The following INTS6L variants were observed in gnomAD, a reference collection of about 807,000 sequenced individuals.
INTS6L encodes integrator complex subunit 6-like.
Under a neutral mutation model 64.7 loss-of-function variants are expected in INTS6L, and 18 were observed. The ratio of observed to expected loss-of-function variants is 0.28; its 90% CI spans 0.19 to 0.41. The LOEUF (loss-of-function observed/expected upper bound fraction) is 0.41. Among genes scored for constraint, INTS6L ranks in the 10% least tolerant of loss-of-function variants. INTS6L has a pLI of 1.00. For synonymous variants in INTS6L, 227 were observed against 235.9 expected (o/e 0.96, Z 0.34); for missense variants, 533 against 661.0 (o/e 0.81, Z 2.12).
chrX:135,545,659 G>C (rs1404591387), intron 3 of INTS6L, 87 bp downstream of exon 3: 2 of 933,760 alleles, frequency 2.1e-6, no homozygotes, highest in African/African-American at 4.0e-5. Flanking sequence ...TAAGTTTTCT[G>C]CTACTTTTCA....
At chrX:135,560,613 C>T (rs782578781) in intron 9 of INTS6L, among the ~76,000 whole-genome samples, 222 of 111,946 alleles carry the variant, frequency 2.0e-3, no homozygotes, top group Non-Finnish European at 3.3e-3. Flanking sequence ...GAAGCCAAGG[C>T]GGGTGGATCA....
chrX:135,527,836 T>C (rs1295705811), intron 2 of INTS6L, among the ~76,000 whole-genome samples: 4 of 110,493 alleles, frequency 3.6e-5, no homozygotes, highest in Admixed American at 1.9e-4. Context: ...ATGGTTGGGA[T>C]TGGGGTGGGG....
rs782154610 is a variant in INTS6L at position 135,546,724 on chromosome X, C to T, written c.452C>T (p.Pro151Leu). 3 of 1,206,151 alleles carry T rather than the reference C, an allele frequency of 2.5e-6. No homozygotes were observed. In the Admixed American group the frequency reaches 6.6e-5, roughly 26 times the overall value. Reference sequence around the variant, plus strand: ...CAGCTCCATCTTCCTTTGAATTCCCCTCTGCCTGGAAGTGAACTAACCAAA... The same window carrying T: ...CAGCTCCATCTTCCTTTGAATTCCCTTCTGCCTGGAAGTGAACTAACCAAA... ...QEELHLPLNS[P>L]LPGSELTKEP... is the part of the protein sequence containing the mutation. Residue 151 changes from proline to leucine, a missense_variant, in exon 5 of 18, where the codon CCT (proline) becomes CTT (leucine). Physicochemically the swap from Pro to Leu is moderately conservative, Grantham distance 98 (BLOSUM62 -3). Transcript: ENST00000639893.
At chrX:135,530,834 G>T (rs1233939729) in intron 2 of INTS6L, among the ~76,000 whole-genome samples, 2 of 112,079 alleles carry the variant, frequency 1.8e-5, no homozygotes, top group African/African-American at 6.5e-5. Context: ...AGTCAGTGGG[G>T]TCTTAACCAG....
At position 135,520,733 on chromosome X, in the gene INTS6L, C is replaced by T. The variant is rs2085512306; in HGVS notation, c.-260C>T. On this transcript the variant is annotated 5_prime_UTR_variant, in exon 1 of 18. Coordinates refer to ENST00000639893, the MANE Select transcript of INTS6L (RefSeq NM_001351601.3). ...GTCCTGGCAGCGGCAGTAGTGGTGG[C>T]AGCAGAAGAGAGGAAGGGGGAGGGC... is the stretch of plus-strand genomic sequence containing the variant. 5.5e-6 allele frequency: 2 copies of T among 364,763 alleles called. No individual in the cohort carries two copies. The highest frequency in any genetic ancestry group is 7.4e-4 in the Middle Eastern group (1 of 1,353). The allele number at this position is 364,763 out of a possible 1,213,427, so 30.1% of individuals were successfully genotyped here.
intron 9 of INTS6L, among the ~76,000 whole-genome samples, chrX:135,557,346 C>T (rs1319535819): frequency 1.8e-5 from 2 of 111,620 alleles, no homozygotes; most frequent in African/African-American, 6.5e-5. Flanking sequence ...GTAATCTTCA[C>T]TAACACTGTT....
intron 14 of INTS6L, among the ~76,000 whole-genome samples, chrX:135,576,046 G>C (rs1269863438): frequency 4.5e-5 from 5 of 111,836 alleles, no homozygotes; most frequent in African/African-American, 1.3e-4. Context: ...ACCTAACTAT[G>C]CTGGACGAGG....
At chrX:135,545,099 C>T (rs1306359198) in intron 2 of INTS6L, among the ~76,000 whole-genome samples, 1 of 112,136 alleles carries the variant, frequency 8.9e-6, no homozygotes, top group Non-Finnish European at 1.9e-5. Context: ...ACTCCATGCT[C>T]ACCATCAATG....
intron 14 of INTS6L, 144 bp from the exon 15 acceptor site, chrX:135,577,049 T>G: frequency 1.8e-6 from 1 of 570,877 alleles, no homozygotes; most frequent in Non-Finnish European, 2.7e-6. Flanking sequence ...TAATCTGGCA[T>G]GGGATTTAAA....
intron 8 of INTS6L, among the ~76,000 whole-genome samples, chrX:135,555,672 C>T (rs987915240): frequency 9.0e-6 from 1 of 111,441 alleles, no homozygotes; most frequent in Non-Finnish European, 1.9e-5. Context: ...AGGAGAATTG[C>T]GATCTGAACA....
At chrX:135,562,003 A>T (rs782570661) in intron 9 of INTS6L, among the ~76,000 whole-genome samples, 28 of 110,291 alleles carry the variant, frequency 2.5e-4, no homozygotes, top group Middle Eastern at 4.7e-3. Context: ...AATCTTATCA[A>T]TTTTTTTTTA....
In INTS6L at chrX:135,581,589, C is replaced by G. The variant is rs2087371762; in HGVS notation, c.2650C>G (p.His884Asp). ...EKVLEKINSH[H>D]LHNNISHINS... ...GGTACTAGAAAAAATAAATTCCCAC[C>G]ACCTTCACAACAACATTAGTCACAT... The change falls in exon 18 of 18, where the codon CAC becomes GAC. Residue 884 changes from histidine to aspartate, a missense_variant. Physicochemically the swap from His to Asp is moderately conservative, Grantham distance 81. Transcript: ENST00000639893. The G allele has an allele frequency of 4.1e-6, 5 of 1,210,419 alleles. No homozygotes were observed. The highest frequency in any genetic ancestry group is 1.7e-5 in the African/African-American group (1 of 57,624).
chrX:135,545,294 G>A, intron 2 of INTS6L, 129 bp from the exon 3 acceptor site: 1 of 834,377 alleles, frequency 1.2e-6, no homozygotes, highest in Non-Finnish European at 1.7e-6. Context: ...GATCAGTGAA[G>A]ATATAGAATA....
Position 135,543,256 on chromosome X carries a change from G to A in INTS6L, c.190-2167G>A, listed in dbSNP as rs1221365775. On this transcript the variant is annotated intron_variant, in intron 2 of 17. Transcript: ENST00000639893. ...AGGGCCAGCAGATAAAATCCAAACT[G>A]CTGAGCATGGTGTACAAAGCACTTT... 3.6e-5 allele frequency among the ~76,000 whole-genome samples: 4 copies of A among 111,983 alleles called. No individual in the cohort carries two copies. In the Admixed American group the frequency reaches 3.8e-4, roughly 11 times the overall value.
At position 135,545,445 on chromosome X, in the gene INTS6L, C is replaced by T; in HGVS notation, c.212C>T (p.Ala71Val). Residue 71 changes from alanine to valine, a missense_variant, in exon 3 of 18, where the codon GCA (alanine) becomes GTA (valine). By Grantham distance (64) the Ala-to-Val change is moderately conservative. Coordinates refer to ENST00000639893, the MANE Select transcript of INTS6L (RefSeq NM_001351601.3). ...CAGGCTGGTTGGAAGGAAAATCATG[C>T]AACATTCATGAGCGAACTAAAAAAT... is the stretch of plus-strand genomic sequence containing the variant. The part of the protein sequence containing the change: ...CIKAGWKENH[A>V]TFMSELKNLQ... 2.5e-6 allele frequency: 3 copies of T among 1,208,437 alleles called. No homozygotes were observed. Among genetic ancestry groups the T allele is most frequent in the South Asian group, 3.6e-5 (2 of 55,788 alleles).
At chrX:135,546,305 G>A in intron 3 of INTS6L, 75 bp from the exon 4 acceptor site, 1 of 637,100 alleles carries the variant, frequency 1.6e-6, no homozygotes, top group Non-Finnish European at 2.2e-6. Flanking sequence ...AGAGATCATT[G>A]GCAAGGCAAA....
chrX:135,564,676 G>T (rs2086887167), intron 9 of INTS6L, among the ~76,000 whole-genome samples: 2 of 107,992 alleles, frequency 1.9e-5, no homozygotes, highest in Non-Finnish European at 3.8e-5. Context: ...AGGTTGTAGT[G>T]AGCCCAGATC....
At position 135,569,451 on chromosome X, in the gene INTS6L, T is replaced by C. The variant is rs1556526526; in HGVS notation, c.1287+20T>C. ...CTATTAGTATGTATTTGTGTGTATA[T>C]ATGTATTAACTGTATCAATGATAAT... On this transcript the variant is annotated intron_variant, in intron 10 of 17. Coordinates refer to ENST00000639893, the MANE Select transcript of INTS6L (RefSeq NM_001351601.3). The C allele has an allele frequency of 4.1e-6, 4 of 980,609 alleles. No individual in the cohort carries two copies. In the East Asian group the frequency reaches 1.4e-4, roughly 33 times the overall value. 80.8% of individuals were successfully genotyped at this position (980,609 alleles called of 1,213,427 possible).
At chrX:135,530,231 A>T (rs2085869016) in intron 2 of INTS6L, among the ~76,000 whole-genome samples, 1 of 112,402 alleles carries the variant, frequency 8.9e-6, no homozygotes, top group African/African-American at 3.2e-5. Context: ...TATTTCTCTG[A>T]CTGTTGCTGG....
Sources: gnomAD v4.1 joint callset for allele counts (sites outside exome capture counted in the v4.1 genomes callset) on GRCh38, gnomAD v4.1.1 for gene constraint, MANE v1.5 for transcripts, NCBI Gene and HGNC (gene_info 2026-07-23, HGNC 2026-07-21) for gene names.